Variants in ICE2 observed in about 807,000 individuals in gnomAD.
The protein encoded by ICE2 is little elongation complex subunit 2.
In ICE2, 87 loss-of-function variants were observed where a neutral mutation model predicts 105.4. That is an observed-to-expected ratio of 0.83 (90% CI 0.69 to 0.99). The LOEUF is 0.99. ICE2 is among the 50% of genes least tolerant of loss of function. ICE2 has a pLI of 0.00. For missense variants in ICE2, 1,323 were observed against 1,146.7 expected, an observed-to-expected ratio of 1.15 and a Z score of -2.22; for synonymous variants, 399 against 392.0, an observed-to-expected ratio of 1.02 and a Z score of -0.21.
chr15:60,432,665 G>C (rs868695229), intron 13 of ICE2, among the ~76,000 whole-genome samples: 2 of 151,980 alleles, frequency 1.3e-5, no homozygotes, highest in South Asian at 4.2e-4. Flanking sequence ...GGCCAAGACG[G>C]GCAGATCACA....
chr15:60,425,849 C>T (rs1329397557), intron 15 of ICE2, among the ~76,000 whole-genome samples: 1 of 152,178 alleles, frequency 6.6e-6, no homozygotes, highest in Non-Finnish European at 1.5e-5. Flanking sequence ...AAGGCCCAAT[C>T]CCATGGCCTA....
At chr15:60,460,632 T>C (rs563100570) in intron 5 of ICE2, among the ~76,000 whole-genome samples, 1 of 152,324 alleles carries the variant, frequency 6.6e-6, no homozygotes, top group Admixed American at 6.5e-5. Context: ...CATAATTCTT[T>C]GTAGTGTTAG....
At chr15:60,423,910 AC>A (rs2140980880) in intron 15 of ICE2, 148 bp from the exon 16 acceptor site, 1 of 651,860 alleles carries the variant, frequency 1.5e-6, no homozygotes, top group African/African-American at 1.9e-5. Flanking sequence ...CTGTTTCTAA[AC>A]AAGTTTTAAT....
At chr15:60,471,102 T>C (rs2064581560) in intron 3 of ICE2, among the ~76,000 whole-genome samples, 1 of 151,986 alleles carries the variant, frequency 6.6e-6, no homozygotes, top group African/African-American at 2.4e-5. Context: ...GGTCCCCAAA[T>C]AAAGCAAAAA....
chr15:60,456,117 T>C (rs2064103545), intron 6 of ICE2, among the ~76,000 whole-genome samples: 1 of 151,580 alleles, frequency 6.6e-6, no homozygotes. Flanking sequence ...GAAAAGAAAA[T>C]CAAGGAACAA....
chr15:60,425,783 T>A (rs1171302543), intron 15 of ICE2, among the ~76,000 whole-genome samples: 1 of 152,234 alleles, frequency 6.6e-6, no homozygotes, highest in Non-Finnish European at 1.5e-5. Context: ...AGCTGTCATC[T>A]TACCATTGCT....
intron 3 of ICE2, among the ~76,000 whole-genome samples, chr15:60,473,209 ATTG>A (rs2064656210): frequency 6.6e-6 from 1 of 150,730 alleles, no homozygotes; most frequent in African/African-American, 2.4e-5. Context: ...CTCCCAAAGT[ATTG>A]TTATTATAGG....
intron 12 of ICE2, 199 bp downstream of exon 12, chr15:60,442,217 C>T (rs1048904833): frequency 2.2e-6 from 1 of 450,494 alleles, no homozygotes; most frequent in Non-Finnish European, 3.8e-6. Flanking sequence ...CACTTGAGGC[C>T]AGGAGTTTGA....
chr15:60,468,972 T>C (rs2064506395), intron 3 of ICE2, among the ~76,000 whole-genome samples: 1 of 152,226 alleles, frequency 6.6e-6, no homozygotes, highest in Non-Finnish European at 1.5e-5. Flanking sequence ...GGCGTATCGT[T>C]AATGAAATGT....
chr15:60,465,575 A>G (rs1400497135), intron 5 of ICE2, among the ~76,000 whole-genome samples: 1 of 151,992 alleles, frequency 6.6e-6, no homozygotes, highest in African/African-American at 2.4e-5. Context: ...GGTAAAATTT[A>G]CCACCTTATC....
chr15:60,435,650 C>T (rs115404426), intron 13 of ICE2, among the ~76,000 whole-genome samples: 6,455 of 150,270 alleles, frequency 0.043, 416 homozygotes, highest in African/African-American at 0.14. Context: ...TAACCGTCAT[C>T]TACCACTAAA....
intron 9 of ICE2, among the ~76,000 whole-genome samples, chr15:60,450,842 G>A (rs773879759): frequency 3.8e-4 from 58 of 152,292 alleles, no homozygotes; most frequent in South Asian, 2.1e-4. Flanking sequence ...TCAGTAAATG[G>A]TAGCTAGTGA....
At chr15:60,426,736 G>A (rs2140987656) in intron 15 of ICE2, among the ~76,000 whole-genome samples, 1 of 151,966 alleles carries the variant, frequency 6.6e-6, no homozygotes, top group South Asian at 2.1e-4. Flanking sequence ...CAATTCCAAG[G>A]TATTAAACTG....
intron 5 of ICE2, among the ~76,000 whole-genome samples, chr15:60,464,904 G>C (rs1312665257): frequency 6.6e-6 from 1 of 152,172 alleles, no homozygotes; most frequent in Non-Finnish European, 1.5e-5. Flanking sequence ...TCAGGAGGCT[G>C]AGCTGGGGAG....
chr15:60,436,720 C>CAAAAAAA (rs58594280), intron 12 of ICE2, among the ~76,000 whole-genome samples: 207 of 87,798 alleles, frequency 2.4e-3, no homozygotes, highest in Non-Finnish European at 3.2e-3. Flanking sequence ...GACTCTGTCT[C>CAAAAAAA]AAAAAAAAAA....
Position 60,428,499 on chromosome 15 carries a change from T to C in ICE2, c.2750A>G (p.Tyr917Cys), listed in dbSNP as rs967326183. Residue 917 changes from tyrosine to cysteine, a missense_variant, in exon 15 of 16, where the codon TAT becomes TGT. Transcript: ENST00000261520. Reference protein sequence around the residue: ...VPLDPSLLLPYHIHHGRIPCT... With the variant: ...VPLDPSLLLPCHIHHGRIPCT... ...AGGTATTCTTCCATGATGGATATGATATGGTAATAACAGGCTGGGATCTAA... is the reference window on the plus strand; with the variant it reads ...AGGTATTCTTCCATGATGGATATGACATGGTAATAACAGGCTGGGATCTAA... 3.1e-6 allele frequency: 5 copies of C among 1,614,012 alleles called. No individual in the cohort carries two copies. The African/African-American group carries it at 6.7e-5, about 22-fold the overall frequency.
rs923036377 is a variant in ICE2, at chr15:60,445,477, A to G, written c.2295+2493T>C. 7 of 673,564 alleles carry G rather than the reference A, an allele frequency of 1.0e-5. 1 individual carries two copies. The South Asian group carries it at 4.7e-4, about 45-fold the overall frequency. 41.7% of individuals were successfully genotyped at this position (673,564 alleles called of 1,614,324 possible). On this transcript the variant is annotated intron_variant, in intron 11 of 15. Coordinates refer to ENST00000261520, the MANE Select transcript of ICE2 (RefSeq NM_024611.6). ...TACTAAGAGATTTAAACCATAAACT[A>G]CTACATATAATAACGGGGGCAATGT...
chr15:60,473,022 T>C (rs577219409), intron 3 of ICE2, among the ~76,000 whole-genome samples: 1 of 152,128 alleles, frequency 6.6e-6, no homozygotes, highest in East Asian at 1.9e-4. Flanking sequence ...TGGCTCACTG[T>C]AGCCTTGACG....
chr15:60,442,144 T>A, intron 12 of ICE2: 1 of 255,576 alleles, frequency 3.9e-6, no homozygotes, highest in Non-Finnish European at 7.3e-6. Flanking sequence ...AAACAAAAAA[T>A]TAGCTGGGCA....
Sources: allele counts gnomAD v4.1 joint callset (sites outside exome capture counted in the v4.1 genomes callset), GRCh38; gene constraint gnomAD v4.1.1; transcripts MANE v1.5; gene names NCBI Gene and HGNC (gene_info 2026-07-23, HGNC 2026-07-21).